Variants in BUD23 observed in about 807,000 individuals in gnomAD.
BUD23 encodes BUD23 rRNA methyltransferase and ribosome maturation factor.
Under a neutral mutation model 47.0 loss-of-function variants are expected in BUD23, and 34 were observed. That is an observed-to-expected ratio of 0.72 (90% CI 0.55 to 0.96). BUD23 has a LOEUF of 0.96. Ranked by LOEUF, BUD23 falls within the 40% of genes least tolerant of loss-of-function variation. BUD23 has a pLI of 0.00. For synonymous variants in BUD23, 124 were observed against 132.0 expected, an observed-to-expected ratio of 0.94 and a Z score of 0.41; for missense variants, 343 against 361.2, an observed-to-expected ratio of 0.95 and a Z score of 0.41.
chr7:73,684,780 C>T (rs1397219630), intron 2 of BUD23, among the ~76,000 whole-genome samples: 2 of 151,234 alleles, frequency 1.3e-5, no homozygotes, highest in African/African-American at 2.4e-5. Flanking sequence ...AAAAATTAGC[C>T]GGGCGCGATG....
chr7:73,685,399 C>CCCAG (rs1222218067), intron 2 of BUD23, among the ~76,000 whole-genome samples: 10 of 152,222 alleles, frequency 6.6e-5, no homozygotes, highest in Non-Finnish European at 1.2e-4. Flanking sequence ...AGCCATCCTC[C>CCCAG]CCAGCAGCCG....
intron 5 of BUD23, among the ~76,000 whole-genome samples, chr7:73,687,310 C>T (rs782536145): frequency 2.6e-5 from 4 of 152,124 alleles, no homozygotes; most frequent in Non-Finnish European, 5.9e-5. Context: ...TGGAGTCTTG[C>T]TCTGTCACCA....
intron 2 of BUD23, among the ~76,000 whole-genome samples, chr7:73,684,743 C>T (rs111832605): frequency 0.035 from 5,253 of 150,166 alleles, 92 homozygotes; most frequent in African/African-American, 0.04. Flanking sequence ...GCCAACATGG[C>T]GAAACTCCAG....
At position 73,691,245 on chromosome 7, in the gene BUD23, C is replaced by T. The variant is rs576104211; in HGVS notation, c.459+233C>T. 3.3e-5 allele frequency among the ~76,000 whole-genome samples: 5 copies of T among 152,278 alleles called. No individual in the cohort carries two copies. The East Asian group carries it at 7.7e-4, about 24-fold the overall frequency. On this transcript the variant is annotated intron_variant, in intron 6 of 11. Transcript: ENST00000265758. ...ACCCAGAAGTCACTGATACCAAAATCGGAGACCAATTTATTAACTTGTAAT... is the reference window on the plus strand; with the variant it reads ...ACCCAGAAGTCACTGATACCAAAATTGGAGACCAATTTATTAACTTGTAAT...
At chr7:73,683,849 C>G (rs782653482) in intron 2 of BUD23, 45 bp downstream of exon 2, 1 of 1,613,978 alleles carries the variant, frequency 6.2e-7, no homozygotes, top group South Asian at 1.1e-5. Context: ...GGTCGGGAAG[C>G]GGCAAGTTGC....
At chr7:73,692,156 TCTC>T (rs1442302530) in intron 6 of BUD23, among the ~76,000 whole-genome samples, 5 of 152,136 alleles carry the variant, frequency 3.3e-5, no homozygotes, top group African/African-American at 7.2e-5. Flanking sequence ...TCACATGAGT[TCTC>T]CTCCTGGCAC....
intron 5 of BUD23, among the ~76,000 whole-genome samples, chr7:73,690,339 C>A (rs1013616251): frequency 3.3e-5 from 5 of 152,020 alleles, no homozygotes; most frequent in Admixed American, 6.6e-5. Context: ...TGTAAAGACA[C>A]TTAACAGGTA....
chr7:73,691,596 T>C (rs1554614023), intron 6 of BUD23, among the ~76,000 whole-genome samples: 1 of 152,026 alleles, frequency 6.6e-6, no homozygotes, highest in South Asian at 2.1e-4. Flanking sequence ...TAAAAATGAG[T>C]TCTTTTTAAA....
intron 9 of BUD23, 58 bp downstream of exon 9, chr7:73,693,727 C>T (rs1195607402): frequency 1.2e-6 from 2 of 1,603,920 alleles, no homozygotes; most frequent in Non-Finnish European, 1.7e-6. Context: ...GGCAGTGGGG[C>T]TCAGCCTGCA....
At chr7:73,693,773 C>T in intron 9 of BUD23, 104 bp downstream of exon 9, 1 of 1,501,350 alleles carries the variant, frequency 6.7e-7, no homozygotes, top group African/African-American at 1.4e-5. Flanking sequence ...GGAAGCAGGG[C>T]CCAGCCCCAG....
At chr7:73,685,935 CAA>C (rs35201875) in intron 2 of BUD23, among the ~76,000 whole-genome samples, 1 of 146,468 alleles carries the variant, frequency 6.8e-6, no homozygotes, top group Non-Finnish European at 1.5e-5. Context: ...ACTGAAAATG[CAA>C]AAAAAAAAAT....
At chr7:73,694,094 C>T in intron 10 of BUD23, 44 bp downstream of exon 10, 1 of 1,579,292 alleles carries the variant, frequency 6.3e-7, no homozygotes, top group African/African-American at 1.4e-5. Context: ...GCGGGGGCTG[C>T]CACATTTGTT....
rs1218741883 is a variant in BUD23, at chr7:73,692,641, G to A, written c.505G>A (p.Glu169Lys). The stretch of plus-strand genomic sequence containing the variant: ...CCTGCAGCTGTACCCTGAGAACTCA[G>A]AGCAGGTGAGTCCCTCGGCTACTGG... ...AVLQLYPENS[E>K]QLELITTQAT... Residue 169 changes from glutamate to lysine, a missense_variant, in exon 7 of 12, where the codon GAG becomes AAG. Transcript: ENST00000265758. 2 of 1,613,390 alleles carry A rather than the reference G, an allele frequency of 1.2e-6. No homozygotes were observed. The highest frequency in any genetic ancestry group is 1.7e-6 in the Non-Finnish European group (2 of 1,179,500).
intron 2 of BUD23, among the ~76,000 whole-genome samples, chr7:73,685,811 G>A (rs1584212216): frequency 1.3e-5 from 2 of 152,082 alleles, no homozygotes; most frequent in East Asian, 3.9e-4. Context: ...TGACTCCAGA[G>A]GCCGGGCGCG....
At chr7:73,687,417 CAG>C (rs1218259383) in intron 5 of BUD23, among the ~76,000 whole-genome samples, 9 of 152,130 alleles carry the variant, frequency 5.9e-5, no homozygotes, top group African/African-American at 2.2e-4. Context: ...GCTGAGATTA[CAG>C]GAGCACGCCA....
chr7:73,683,840 G>T, intron 2 of BUD23, 36 bp downstream of exon 2: 1 of 1,614,162 alleles, frequency 6.2e-7, no homozygotes, highest in Middle Eastern at 1.6e-4. Context: ...GCGTCCGGGG[G>T]TCGGGAAGCG....
Position 73,686,829 on chromosome 7 carries a change from G to C in BUD23, c.194G>C (p.Gly65Ala). 3.7e-6 allele frequency: 6 copies of C among 1,614,152 alleles called. No individual in the cohort carries two copies. The South Asian group carries it at 6.6e-5, about 18-fold the overall frequency. The change falls in exon 4 of 12, where the codon GGG (glycine) becomes GCG (alanine). Residue 65 changes from glycine (G) to alanine (A), a missense_variant. Gly to Ala is a moderately conservative substitution (Grantham distance 60). Transcript: ENST00000265758. ...CYLLDIGCGT[G>A]LSGSYLSDEG... ...GTCATGTCTTCCAGCTGTGGCACTGGGCTGAGTGGAAGTTATCTGTCAGAT... is the reference window on the plus strand; with the variant it reads ...GTCATGTCTTCCAGCTGTGGCACTGCGCTGAGTGGAAGTTATCTGTCAGAT...
At chr7:73,684,923 CAAAAAAAAAAAAAAAAA>C (rs56229090) in intron 2 of BUD23, among the ~76,000 whole-genome samples, 3,763 of 49,258 alleles carry the variant, frequency 0.076, 124 homozygotes, top group African/African-American at 0.12. Context: ...GACTTTGTTT[CAAAAAAAAAAAAAAAAA>C]AAAAAAAAAA....
chr7:73,684,578 C>G lies in BUD23; in HGVS notation c.86+774C>G, dbSNP rs1410760787. 2.5e-5 allele frequency among the ~76,000 whole-genome samples: 3 copies of G among 118,908 alleles called. No homozygotes were observed. The Admixed American group carries it at 3.8e-4, about 15-fold the overall frequency. The allele number at this position is 118,908 out of a possible 152,430, so 78.0% of individuals were successfully genotyped here. Reference sequence around the variant, plus strand: ...TCTCCCGAACTGTTGGGATTGCAGGCGTGAGCCAGCGCACCTCGAGTCGTT... The same window carrying G: ...TCTCCCGAACTGTTGGGATTGCAGGGGTGAGCCAGCGCACCTCGAGTCGTT... On this transcript the variant is annotated intron_variant, in intron 2 of 11. Transcript: ENST00000265758.
Sources: allele counts gnomAD v4.1 joint callset (sites outside exome capture counted in the v4.1 genomes callset), GRCh38; gene constraint gnomAD v4.1.1; transcripts MANE v1.5; gene names NCBI Gene and HGNC (gene_info 2026-07-23, HGNC 2026-07-21).